The following POLE variants were observed in gnomAD, a reference collection of about 807,000 sequenced individuals.
POLE encodes the protein DNA polymerase epsilon catalytic subunit A.
A neutral mutation model predicts 279.2 loss-of-function variants in POLE; 188 were observed. The observed-to-expected ratio is 0.67, with a 90% CI of 0.60 to 0.76. The LOEUF is 0.76. Among genes scored for constraint, POLE ranks in the 30% least tolerant of loss-of-function variants. POLE has a pLI of 0.00. For missense variants in POLE, 2,703 were observed against 3,016.7 expected (o/e 0.90, Z 2.44); for synonymous variants, 1,214 against 1,172.5 (o/e 1.04, Z -0.72).
intron 15 of POLE, 33 bp from the exon 16 acceptor site, chr12:132,672,355 G>T (rs780130153): frequency 6.5e-7 from 1 of 1,537,810 alleles, no homozygotes; most frequent in South Asian, 1.1e-5. Context: ...GGGTCAGAGG[G>T]GAAACACACC....
At position 132,677,131 on chromosome 12, in the gene POLE, G is replaced by A. The variant is rs565993850; in HGVS notation, c.801+232C>T. 2.0e-5 allele frequency among the ~76,000 whole-genome samples: 3 copies of A among 152,286 alleles called. No individual in the cohort carries two copies. The South Asian group carries it at 6.2e-4, about 32-fold the overall frequency. On this transcript the variant is annotated intron_variant, in intron 8 of 48. Coordinates refer to ENST00000320574, the MANE Select transcript of POLE (RefSeq NM_006231.4). ...CGGAAGTCCCAGCTTTCCCTCGAGT[G>A]TCCAAATCCTGCCTAGCTCAAACAC...
chr12:132,669,362 G>A (rs1318451822), intron 16 of POLE, among the ~76,000 whole-genome samples: 2 of 152,002 alleles, frequency 1.3e-5, no homozygotes, highest in Non-Finnish European at 1.5e-5. Context: ...TACTCGGAAC[G>A]CTGGGGTGGA....
At position 132,657,163 on chromosome 12, in the gene POLE, C is replaced by A; in HGVS notation, c.3555G>T (p.Glu1185Asp). The A allele has an allele frequency of 6.2e-7, 1 of 1,614,044 alleles. No individual in the cohort carries two copies. Among genetic ancestry groups the A allele is most frequent in the Non-Finnish European group, 8.5e-7 (1 of 1,180,014 alleles). The change falls in exon 29 of 49, where the codon GAG becomes GAT. Residue 1185 changes from glutamate to aspartate, a missense_variant. Physicochemically the swap from Glu to Asp is conservative, Grantham distance 45 (BLOSUM62 2). This residue lies in a region of POLE where 1,551 missense variants were observed against 1,686.1 expected (regional missense o/e 0.92). Coordinates refer to ENST00000320574, the MANE Select transcript of POLE (RefSeq NM_006231.4). Reference protein sequence around the residue: ...NDVYKQKKISELFTLEGRRQV... With the variant: ...NDVYKQKKISDLFTLEGRRQV... Reference sequence around the variant, plus strand: ...GTCTCCTGCCCTCCAGGGTGAAGAGCTCACTGATCTTCTTCTGCTTGTAGA... The same window carrying A: ...GTCTCCTGCCCTCCAGGGTGAAGAGATCACTGATCTTCTTCTGCTTGTAGA...
chr12:132,676,008 C>T lies in POLE; in HGVS notation c.1020+86G>A, dbSNP rs576632565. ...AAGCTCATGGAGCTGCAATTCTGAT[C>T]TGACGGAATGCCTGAGGCCTTGGAA... On this transcript the variant is annotated intron_variant, in intron 10 of 48. Transcript: ENST00000320574. 4.0e-6 allele frequency: 4 copies of T among 1,001,496 alleles called. No individual in the cohort carries two copies. In the South Asian group the frequency reaches 4.3e-5, roughly 11 times the overall value. The allele number at this position is 1,001,496 out of a possible 1,614,324, so 62.0% of individuals were successfully genotyped here.
chr12:132,687,025 G>A (rs1425786473), intron 1 of POLE, among the ~76,000 whole-genome samples: 1 of 151,420 alleles, frequency 6.6e-6, no homozygotes, highest in Non-Finnish European at 1.5e-5. Flanking sequence ...GGGAAAGGCC[G>A]CGCGGCCCGC....
chr12:132,667,688 C>A (rs2135971790), intron 19 of POLE, 40 bp from the exon 20 acceptor site: 1 of 1,609,532 alleles, frequency 6.2e-7, no homozygotes, highest in South Asian at 1.1e-5. Flanking sequence ...TGGGTGAGAT[C>A]TCCCAGAGCA....
rs2138692890 is a variant in POLE, at chr12:132,661,166, T to TG, written c.2865-3dup. 6.6e-7 allele frequency: 1 copy of TG among 1,518,836 alleles called. No homozygotes were observed. The highest frequency in any genetic ancestry group is 2.3e-5 in the East Asian group (1 of 43,016). 94.1% of individuals were successfully genotyped at this position (1,518,836 alleles called of 1,614,324 possible). On this transcript the variant is annotated splice_region_variant and splice_polypyrimidine_tract_variant and intron_variant, in intron 24 of 48. Coordinates refer to ENST00000320574, the MANE Select transcript of POLE (RefSeq NM_006231.4). This position sits in a 1 kb window ranked among gnomAD's most constrained non-coding sequence, Gnocchi z 4.1. ...CCGTCTTCATTGAACACAGCATACC[T>TG]GAAAAAAAAAAAAAAGGCAAGCACA... is the stretch of plus-strand genomic sequence containing the variant.
At chr12:132,679,755 C>A (rs1389751194) in intron 5 of POLE, 104 bp from the exon 6 acceptor site, 2 of 1,342,016 alleles carry the variant, frequency 1.5e-6, no homozygotes, top group Non-Finnish European at 2.1e-6. Context: ...GAGTTGGCGA[C>A]TTCAAGGCAC....
Position 132,624,590 on chromosome 12 carries a change from T to C in POLE, c.*107A>G. The C allele has an allele frequency of 1.3e-6, 1 of 774,634 alleles. No individual in the cohort carries two copies. Among genetic ancestry groups the C allele is most frequent in the Non-Finnish European group, 2.4e-6 (1 of 422,408 alleles). 48.0% of individuals were successfully genotyped at this position (774,634 alleles called of 1,614,324 possible). ...CGTTCCCTGGCCTGGGGTCACAGGT[T>C]TGGACAGTCAGGGTGGTCAGTGGTC... On this transcript the variant is annotated 3_prime_UTR_variant, in exon 49 of 49. Coordinates refer to ENST00000320574, the MANE Select transcript of POLE (RefSeq NM_006231.4).
Position 132,681,131 on chromosome 12 carries a change from T to G in POLE, c.204+7A>C, listed in dbSNP as rs755338509. 2 of 1,614,026 alleles carry G rather than the reference T, an allele frequency of 1.2e-6. No individual in the cohort carries two copies. The highest frequency in any genetic ancestry group is 1.7e-6 in the Non-Finnish European group (2 of 1,179,994). ...ATTCCTGGGTGGGAGAAGGACCTAG[T>G]GCTTACAGGATGCATGTTAATGAGC... On this transcript the variant is annotated splice_region_variant and intron_variant, in intron 2 of 48. Transcript: ENST00000320574.
At chr12:132,637,400 C>T (rs780199920) in intron 41 of POLE, among the ~76,000 whole-genome samples, 31 of 152,298 alleles carry the variant, frequency 2.0e-4, no homozygotes, top group Non-Finnish European at 4.3e-4. Context: ...CCAGGGTGAG[C>T]GCACCTAGGA....
chr12:132,681,112 G>C (rs766911309), intron 2 of POLE, 26 bp downstream of exon 2: 1 of 1,613,084 alleles, frequency 6.2e-7, no homozygotes, highest in East Asian at 2.2e-5. Context: ...CCATATTCCT[G>C]GGTGGGAGAA....
chr12:132,672,563 C>A, intron 15 of POLE, 64 bp downstream of exon 15: 7 of 1,519,228 alleles, frequency 4.6e-6, no homozygotes, highest in South Asian at 3.4e-5. Context: ...TCAGCCCCTG[C>A]AGCTTCTGGG....
chr12:132,644,073 T>G (rs1044227086), intron 32 of POLE, 96 bp from the exon 33 acceptor site: 102 of 1,383,266 alleles, frequency 7.4e-5, no homozygotes, highest in Non-Finnish European at 1.0e-4. Context: ...CCTAGACTTC[T>G]GGTGCCCCTA....
rs1555225690 is a variant in POLE, at chr12:132,659,473, T to TGAGCTCGAATAGCTCAGAGTC, written c.3076_3096dup (p.Asp1026_Leu1032dup). 7 of 1,614,212 alleles carry TGAGCTCGAATAGCTCAGAGTC rather than the reference T, an allele frequency of 4.3e-6. No individual in the cohort carries two copies. Among genetic ancestry groups the TGAGCTCGAATAGCTCAGAGTC allele is most frequent in the Non-Finnish European group, 5.9e-6 (7 of 1,180,046 alleles). On this transcript the variant is annotated inframe_insertion, in exon 26 of 49. Coordinates refer to ENST00000320574, the MANE Select transcript of POLE (RefSeq NM_006231.4). ...CGAGACATGGAACGGTTCTCAGAGA[T>TGAGCTCGAATAGCTCAGAGTC]GAGCTCGAATAGCTCAGAGTCAGGC...
At chr12:132,674,117 C>G (rs931519883) in intron 12 of POLE, among the ~76,000 whole-genome samples, 4 of 151,920 alleles carry the variant, frequency 2.6e-5, no homozygotes, top group African/African-American at 4.8e-5. Flanking sequence ...AGCCCACCCT[C>G]CTTTAATAGA....
chr12:132,647,126 G>A (rs1005271367), intron 32 of POLE, among the ~76,000 whole-genome samples: 3 of 152,054 alleles, frequency 2.0e-5, no homozygotes, highest in Non-Finnish European at 2.9e-5. Flanking sequence ...AGGGCCTACC[G>A]TGTACCTTAA....
chr12:132,658,413 C>T (rs1358032724), intron 26 of POLE: 3 of 170,510 alleles, frequency 1.8e-5, no homozygotes, highest in East Asian at 1.8e-4. Context: ...TGAGTAACCA[C>T]GCGCATGCGT....
chr12:132,677,505 A>G, intron 7 of POLE, 62 bp from the exon 8 acceptor site: 5 of 1,609,638 alleles, frequency 3.1e-6, no homozygotes, highest in Non-Finnish European at 4.3e-6. Context: ...TCTTCTGTGG[A>G]TTCACCCATA....
Sources: allele counts gnomAD v4.1 joint callset (sites outside exome capture counted in the v4.1 genomes callset), GRCh38; gene constraint gnomAD v4.1.1; regional missense constraint gnomAD v4.1.1; non-coding constraint Gnocchi (gnomAD v3.1); transcripts MANE v1.5; gene names NCBI Gene and HGNC (gene_info 2026-07-23, HGNC 2026-07-21).